CASR: variants seen among roughly 807,000 people sequenced by gnomAD.
CASR encodes the protein calcium sensing receptor.
Under a neutral mutation model 69.1 loss-of-function variants are expected in CASR, and 23 were observed. The ratio of observed to expected loss-of-function variants is 0.33; its 90% CI spans 0.24 to 0.47. The LOEUF (loss-of-function observed/expected upper bound fraction) is 0.47. CASR is among the 20% of genes least tolerant of loss of function. The pLI is 1.00. For synonymous variants in CASR, 541 were observed against 544.7 expected, an observed-to-expected ratio of 0.99 and a Z score of 0.10; for missense variants, 924 against 1,356.1, an observed-to-expected ratio of 0.68 and a Z score of 5.00.
At chr3:122,272,484 C>T (rs146191534) in intron 4 of CASR, among the ~76,000 whole-genome samples, 570 of 152,310 alleles carry the variant, frequency 3.7e-3, no homozygotes, top group African/African-American at 0.013. Flanking sequence ...ACCTTCCCTC[C>T]CTCTGTCCTT....
At chr3:122,248,224 C>T (rs1181471012) in intron 1 of CASR, among the ~76,000 whole-genome samples, 1 of 152,130 alleles carries the variant, frequency 6.6e-6, no homozygotes, top group Non-Finnish European at 1.5e-5. Context: ...CTAGGGATGG[C>T]CGTATTGGTG....
At chr3:122,273,318 CA>C (rs1464570619) in intron 4 of CASR, among the ~76,000 whole-genome samples, 1 of 152,142 alleles carries the variant, frequency 6.6e-6, no homozygotes, top group African/African-American at 2.4e-5. Context: ...ATGACTTTTG[CA>C]AGTTTCTTGA....
rs757302986 is a variant in CASR, at chr3:122,284,055, C to A, written c.2101C>A (p.Arg701Ser). The A allele has an allele frequency of 1.9e-6, 3 of 1,614,068 alleles. No homozygotes were observed. The highest frequency in any genetic ancestry group is 2.7e-5 in the African/African-American group (2 of 74,928). The change falls in exon 7 of 7, where the codon CGT becomes AGT. Residue 701 changes from arginine (R) to serine (S), a missense_variant. Transcript: ENST00000639785. ...CTCATGCATCCTGGTGAAAACCAAC[C>A]GTGTCCTCCTGGTGTTTGAGGCCAA... ...CISCILVKTN[R>S]VLLVFEAKIP...
chr3:122,284,582 C>T lies in CASR; in HGVS notation c.2628C>T (p.Thr876=), dbSNP rs758631679. Residue 876 remains threonine (T), a synonymous_variant, in exon 7 of 7, where the codon ACC becomes ACT. Transcript: ENST00000639785. ...CCATCGAGGAGGTGCGTTGCAGCAC[C>T]GCAGCTCACGCTTTCAAGGTGGCTG... ...RNTIEEVRCS[T]AAHAFKVAAR... The T allele has an allele frequency of 1.2e-5, 20 of 1,614,160 alleles. No individual in the cohort carries two copies. Among genetic ancestry groups the T allele is most frequent in the Admixed American group, 1.7e-5 (1 of 60,030 alleles).
Position 122,289,661 on chromosome 3 carries a change from G to C in CASR, c.*4470G>C, listed in dbSNP as rs532865426. ...GAGGGACAACTGTGACTCTAGCACC[G>C]AGTGGGGCTAGGGGAACCTTCTCCT... On this transcript the variant is annotated 3_prime_UTR_variant, in exon 7 of 7. Transcript: ENST00000639785. The C allele has an allele frequency of 1.3e-5, 2 of 152,582 alleles. No homozygotes were observed. Among genetic ancestry groups the C allele is most frequent in the South Asian group, 4.1e-4 (2 of 4,830 alleles). The allele number at this position is 152,582 out of a possible 1,614,324, so 9.5% of individuals were successfully genotyped here.
At chr3:122,205,767 C>G (rs1295273776) in intron 1 of CASR, among the ~76,000 whole-genome samples, 2 of 151,690 alleles carry the variant, frequency 1.3e-5, no homozygotes, top group Non-Finnish European at 2.9e-5. Flanking sequence ...TATAGCTTTC[C>G]TTATATAGAT....
chr3:122,254,449 A>C (rs1358026565), intron 2 of CASR, 75 bp downstream of exon 2: 1 of 1,436,798 alleles, frequency 7.0e-7, no homozygotes, highest in Admixed American at 1.7e-5. Flanking sequence ...AACGCAAAAT[A>C]ATTTTTTCAA....
chr3:122,272,795 C>T (rs2074774935), intron 4 of CASR, among the ~76,000 whole-genome samples: 1 of 152,112 alleles, frequency 6.6e-6, no homozygotes, highest in Non-Finnish European at 1.5e-5. Context: ...TATAAAATTC[C>T]AGTCTTGTAT....
intron 5 of CASR, among the ~76,000 whole-genome samples, chr3:122,276,251 C>T (rs915235113): frequency 1.3e-5 from 2 of 152,204 alleles, no homozygotes; most frequent in Non-Finnish European, 2.9e-5. Context: ...AGCCCCATGC[C>T]TTCCTACTGT....
At chr3:122,270,056 C>T (rs1313219473) in intron 4 of CASR, among the ~76,000 whole-genome samples, 1 of 152,018 alleles carries the variant, frequency 6.6e-6, no homozygotes, top group Non-Finnish European at 1.5e-5. Flanking sequence ...CGACCAGGCT[C>T]GTCTCTAACT....
rs920341881 is a variant in CASR at position 122,288,680 on chromosome 3, T to C, written c.*3489T>C. ...TACACAGCCGTGTTGTCTCATTCTA[T>C]TATCTGTCAGTAGCAGAAACCTGAA... On this transcript the variant is annotated 3_prime_UTR_variant, in exon 7 of 7. Coordinates refer to ENST00000639785, the MANE Select transcript of CASR (RefSeq NM_000388.4). 1 of 152,120 alleles carries C rather than the reference T, an allele frequency of 6.6e-6. No individual in the cohort carries two copies. Among genetic ancestry groups the C allele is most frequent in the African/African-American group, 2.4e-5 (1 of 41,436 alleles). The allele number at this position is 152,120 out of a possible 1,614,324, so 9.4% of individuals were successfully genotyped here. A position where few individuals can be genotyped will look rare whatever the true frequency, so the allele number is the denominator to read the frequency against.
intron 1 of CASR, among the ~76,000 whole-genome samples, chr3:122,250,191 G>A (rs2074469168): frequency 6.6e-6 from 1 of 152,104 alleles, no homozygotes; most frequent in African/African-American, 2.4e-5. Context: ...ACAGGACCAG[G>A]AGACTGGATG....
intron 1 of CASR, among the ~76,000 whole-genome samples, chr3:122,211,759 A>G (rs1015364040): frequency 7.3e-5 from 11 of 151,346 alleles, no homozygotes; most frequent in Non-Finnish European, 1.3e-4. Context: ...AAGGACGTGA[A>G]CAGACACTTC....
At position 122,287,686 on chromosome 3, in the gene CASR, G is replaced by A. The variant is rs377354857; in HGVS notation, c.*2495G>A. The stretch of plus-strand genomic sequence containing the variant: ...TATCTGGCCTTCGCTGGCGTGCTCT[G>A]AGGCATTGTATCCTCATCTGGTCCC... On this transcript the variant is annotated 3_prime_UTR_variant, in exon 7 of 7. Coordinates refer to ENST00000639785, the MANE Select transcript of CASR (RefSeq NM_000388.4). The A allele has an allele frequency of 6.6e-6, 1 of 152,344 alleles. No individual in the cohort carries two copies. Among genetic ancestry groups the A allele is most frequent in the East Asian group, 1.9e-4 (1 of 5,200 alleles). The allele number at this position is 152,344 out of a possible 1,614,324, so 9.4% of individuals were successfully genotyped here.
chr3:122,262,934 A>G (rs993579726), intron 4 of CASR, among the ~76,000 whole-genome samples: 3 of 152,234 alleles, frequency 2.0e-5, no homozygotes, highest in African/African-American at 4.8e-5. Flanking sequence ...CAGAAAACAA[A>G]AACTCTTTGT....
In CASR at chr3:122,282,217, G is replaced by A. The variant is rs200878919; in HGVS notation, c.1713G>A (p.Gly571=). 6.2e-7 allele frequency: 1 copy of A among 1,614,164 alleles called. No individual in the cohort carries two copies. The highest frequency in any genetic ancestry group is 8.5e-7 in the Non-Finnish European group (1 of 1,180,002). The change falls in exon 6 of 7, where the codon GGG becomes GGA. Residue 571 remains glycine, a synonymous_variant. Transcript: ENST00000639785. ...TTGAGTGTGTGGAGTGTCCTGATGGGGAGTATAGTGATGAGACAGGTAAGG... is the reference window on the plus strand; with the variant it reads ...TTGAGTGTGTGGAGTGTCCTGATGGAGAGTATAGTGATGAGACAGGTAAGG... ...CCFECVECPD[G]EYSDETDASA...
intron 1 of CASR, among the ~76,000 whole-genome samples, chr3:122,195,823 T>G (rs1356014005): frequency 6.6e-6 from 1 of 152,218 alleles, no homozygotes; most frequent in Non-Finnish European, 1.5e-5. Flanking sequence ...TAACTCATCT[T>G]TTAAAAATGT....
chr3:122,245,920 A>T (rs982467834), intron 1 of CASR, among the ~76,000 whole-genome samples: 1 of 152,216 alleles, frequency 6.6e-6, no homozygotes, highest in African/African-American at 2.4e-5. Context: ...CTAAACTGAC[A>T]TTTTAAAGAC....
chr3:122,217,693 C>T (rs774249488), intron 1 of CASR, among the ~76,000 whole-genome samples: 1 of 151,736 alleles, frequency 6.6e-6, no homozygotes, highest in Non-Finnish European at 1.5e-5. Context: ...TCATGCTGCA[C>T]AAAAAGGGAA....
Sources: allele counts gnomAD v4.1 joint callset (sites outside exome capture counted in the v4.1 genomes callset), GRCh38; gene constraint gnomAD v4.1.1; transcripts MANE v1.5; gene names NCBI Gene and HGNC (gene_info 2026-07-23, HGNC 2026-07-21).